OPHN1: variants seen among roughly 807,000 people sequenced by gnomAD.
OPHN1 encodes the protein oligophrenin 1.
OPHN1 carries 11 observed loss-of-function variants against 60.7 expected under a neutral mutation model. The ratio of observed to expected loss-of-function variants is 0.18; its 90% CI spans 0.11 to 0.30. The LOEUF is 0.30. OPHN1 is among the 10% of genes least tolerant of loss of function. OPHN1 has a pLI of 1.00. For missense variants in OPHN1, 449 were observed against 611.0 expected, an observed-to-expected ratio of 0.73 and a Z score of 2.80; for synonymous variants, 226 against 222.6, an observed-to-expected ratio of 1.02 and a Z score of -0.14.
chrX:68,204,347 T>C (rs916049313), intron 10 of OPHN1, among the ~76,000 whole-genome samples: 6 of 111,714 alleles, frequency 5.4e-5, no homozygotes, highest in Non-Finnish European at 1.1e-4. Flanking sequence ...GTCAGAAAGA[T>C]GGCCAATTCC....
intron 2 of OPHN1, among the ~76,000 whole-genome samples, chrX:68,336,653 C>CGT (rs761125840): frequency 3.2e-4 from 29 of 91,853 alleles, no homozygotes; most frequent in East Asian, 1.2e-3. Context: ...TATGTGTGTA[C>CGT]GTGTGTGTGT....
At chrX:68,354,536 T>G (rs1362333040) in intron 2 of OPHN1, among the ~76,000 whole-genome samples, 1 of 99,150 alleles carries the variant, frequency 1.0e-5, no homozygotes, top group Admixed American at 1.1e-4. Context: ...GGTGGGTAGA[T>G]CACCTGCGGT....
chrX:68,269,346 G>A (rs1295053539), intron 5 of OPHN1, among the ~76,000 whole-genome samples: 2 of 111,498 alleles, frequency 1.8e-5, no homozygotes, highest in South Asian at 3.8e-4. Flanking sequence ...TATACTACAA[G>A]GCTTCAGTAA....
At chrX:68,290,228 G>C (rs1006561773) in intron 3 of OPHN1, among the ~76,000 whole-genome samples, 1 of 111,329 alleles carries the variant, frequency 9.0e-6, no homozygotes, top group Non-Finnish European at 1.9e-5. Flanking sequence ...GGAAAGCCGA[G>C]GTAGGCAGAT....
At chrX:68,431,240 A>C (rs768834005) in intron 2 of OPHN1, among the ~76,000 whole-genome samples, 1 of 112,115 alleles carries the variant, frequency 8.9e-6, no homozygotes, top group South Asian at 3.7e-4. Context: ...AGGCCACAAT[A>C]AGACAAATCA....
chrX:68,258,291 T>G (rs1305872416), intron 5 of OPHN1, among the ~76,000 whole-genome samples: 1 of 109,318 alleles, frequency 9.1e-6, no homozygotes, highest in Non-Finnish European at 1.9e-5. Flanking sequence ...GGTACATGTG[T>G]ACAACGTGCA....
chrX:68,368,016 C>T (rs980637186), intron 2 of OPHN1, among the ~76,000 whole-genome samples: 3 of 111,796 alleles, frequency 2.7e-5, no homozygotes, highest in Non-Finnish European at 5.6e-5. Context: ...CTGGAGGCTA[C>T]CTGAAGAACT....
At chrX:68,369,940 T>G (rs2147728623) in intron 2 of OPHN1, among the ~76,000 whole-genome samples, 1 of 99,931 alleles carries the variant, frequency 1.0e-5, no homozygotes, top group African/African-American at 3.8e-5. Flanking sequence ...GGCTCCTCAT[T>G]AAGACTAACA....
At chrX:68,175,510 G>A (rs2077410873) in intron 15 of OPHN1, among the ~76,000 whole-genome samples, 2 of 111,635 alleles carry the variant, frequency 1.8e-5, no homozygotes, top group South Asian at 7.5e-4. Flanking sequence ...TTACTAAACT[G>A]TAGTGACCAT....
intron 20 of OPHN1, among the ~76,000 whole-genome samples, chrX:68,064,616 G>C (rs767811278): frequency 9.0e-6 from 1 of 111,594 alleles, no homozygotes; most frequent in Non-Finnish European, 1.9e-5. Flanking sequence ...CTTTAACTTC[G>C]TTCTCCAACC....
intron 5 of OPHN1, among the ~76,000 whole-genome samples, chrX:68,269,972 A>C (rs951555063): frequency 1.8e-5 from 2 of 112,344 alleles, no homozygotes; most frequent in Non-Finnish European, 3.8e-5. Flanking sequence ...TATGCAGTCA[A>C]CAGACACAGG....
chrX:68,302,830 G>A (rs143797103), intron 2 of OPHN1, among the ~76,000 whole-genome samples: 1,999 of 110,507 alleles, frequency 0.018, 24 homozygotes, highest in Middle Eastern at 0.037. Flanking sequence ...AGGCTGAGGC[G>A]AGAGGACTGA....
intron 15 of OPHN1, among the ~76,000 whole-genome samples, chrX:68,132,578 T>G (rs1412013799): frequency 1.2e-5 from 1 of 82,748 alleles, no homozygotes; most frequent in African/African-American, 4.4e-5. Flanking sequence ...AGGGATAGCA[T>G]TGGGAGATAT....
chrX:68,319,813 T>C (rs1304711759), intron 2 of OPHN1, among the ~76,000 whole-genome samples: 5 of 110,284 alleles, frequency 4.5e-5, no homozygotes, highest in Non-Finnish European at 9.4e-5. Context: ...ACAAAAGACC[T>C]GTTAGGATGA....
At chrX:68,303,648 CAA>C (rs766771191) in intron 2 of OPHN1, among the ~76,000 whole-genome samples, 5 of 83,937 alleles carry the variant, frequency 6.0e-5, no homozygotes, top group African/African-American at 1.2e-4. Flanking sequence ...AATTTCATCT[CAA>C]AAAAAAAAAA....
At chrX:68,373,756 G>C (rs1186848909) in intron 2 of OPHN1, among the ~76,000 whole-genome samples, 2 of 111,829 alleles carry the variant, frequency 1.8e-5, no homozygotes, top group East Asian at 5.6e-4. Flanking sequence ...TATGTAAATA[G>C]TAGTCTGGAA....
At chrX:68,067,524 T>C (rs1406186760) in intron 20 of OPHN1, among the ~76,000 whole-genome samples, 1 of 110,823 alleles carries the variant, frequency 9.0e-6, no homozygotes, top group African/African-American at 3.3e-5. Context: ...TTATCAAATA[T>C]GCATTTTTAA....
chrX:68,356,290 G>A (rs1396036498), intron 2 of OPHN1, among the ~76,000 whole-genome samples: 1 of 111,267 alleles, frequency 9.0e-6, no homozygotes, highest in Non-Finnish European at 1.9e-5. Flanking sequence ...AGCAAGAGGG[G>A]ATTCTCCAGC....
At chrX:68,202,010 T>C (rs1274200666) in intron 10 of OPHN1, among the ~76,000 whole-genome samples, 1 of 111,474 alleles carries the variant, frequency 9.0e-6, no homozygotes, top group African/African-American at 3.3e-5. Flanking sequence ...AAGGGGAGTG[T>C]AGGAGAAATG....
Sources: allele counts gnomAD v4.1 joint callset (sites outside exome capture counted in the v4.1 genomes callset), GRCh38; gene constraint gnomAD v4.1.1; transcripts MANE v1.5; gene names NCBI Gene and HGNC (gene_info 2026-07-23, HGNC 2026-07-21).